The following FANCA variants were observed in gnomAD, a reference collection of about 807,000 sequenced individuals.
The protein encoded by FANCA is FA complementation group A.
Under a neutral mutation model 194.3 loss-of-function variants are expected in FANCA, and 236 were observed. That is an observed-to-expected ratio of 1.21 (90% CI 1.09 to 1.35). The LOEUF (loss-of-function observed/expected upper bound fraction) is 1.35. Among genes scored for constraint, FANCA ranks in the 40% most tolerant of loss-of-function variants. The pLI, the probability that FANCA is intolerant of heterozygous loss-of-function variation, is 0.00. For synonymous variants in FANCA, 1,014 were observed against 715.8 expected, an observed-to-expected ratio of 1.42 and a Z score of -6.65; for missense variants, 2,628 against 1,813.9, an observed-to-expected ratio of 1.45 and a Z score of -8.15.
At chr16:89,743,595 A>T (rs1185510784) in intron 36 of FANCA, among the ~76,000 whole-genome samples, 1 of 152,162 alleles carries the variant, frequency 6.6e-6, no homozygotes, top group Non-Finnish European at 1.5e-5. Context: ...AGGCTGAGGC[A>T]GGCAGATCAC....
At chr16:89,804,217 G>C (rs796211785) in intron 7 of FANCA, among the ~76,000 whole-genome samples, 7 of 152,224 alleles carry the variant, frequency 4.6e-5, no homozygotes, top group African/African-American at 1.7e-4. Context: ...AAACCCACAA[G>C]CTACTGTACA....
chr16:89,761,485 T>C (rs1437698336), intron 29 of FANCA, among the ~76,000 whole-genome samples: 1 of 150,678 alleles, frequency 6.6e-6, no homozygotes, highest in East Asian at 1.9e-4. Flanking sequence ...TCGCTTTTGC[T>C]TTAATAAATC....
chr16:89,767,887 T>C (rs1312830183), intron 26 of FANCA, among the ~76,000 whole-genome samples: 1 of 152,136 alleles, frequency 6.6e-6, no homozygotes, highest in Non-Finnish European at 1.5e-5. Context: ...GGTTTCCCCA[T>C]GTTGGACAGG....
chr16:89,797,864 C>T (rs2040301253), intron 10 of FANCA, among the ~76,000 whole-genome samples: 1 of 152,050 alleles, frequency 6.6e-6, no homozygotes, highest in Non-Finnish European at 1.5e-5. Flanking sequence ...CACTGCACTC[C>T]AGCCTGGGCA....
intron 8 of FANCA, among the ~76,000 whole-genome samples, chr16:89,800,964 C>T (rs1408356875): frequency 2.7e-5 from 4 of 147,774 alleles, no homozygotes; most frequent in East Asian, 4.0e-4. Context: ...ACCCGGTAGG[C>T]GGAGCTTGCA....
intron 5 of FANCA, chr16:89,810,496 T>G (rs2040834582): frequency 1.8e-6 from 1 of 570,790 alleles, no homozygotes; most frequent in African/African-American, 1.9e-5. Context: ...TAAATATTAC[T>G]AATGATAGGT....
At chr16:89,799,773 C>G in intron 8 of FANCA, 135 bp from the exon 9 acceptor site, 2 of 737,180 alleles carry the variant, frequency 2.7e-6, no homozygotes, top group African/African-American at 3.5e-5. Context: ...GCGGGCGGAT[C>G]ACGAGGTCAG....
rs2151715075 is a variant in FANCA at position 89,740,153 on chromosome 16, G to A, written c.3829-54C>T. ...AATGGCCGACCTGGTGCTCCCATGG[G>A]TAGGAGGGTACAGCCCTCAGCACAG... is the stretch of plus-strand genomic sequence containing the variant. On this transcript the variant is annotated intron_variant, in intron 38 of 42. Coordinates refer to ENST00000389301, the MANE Select transcript of FANCA (RefSeq NM_000135.4). The A allele has an allele frequency of 2.1e-6, 3 of 1,401,360 alleles. No individual in the cohort carries two copies. In the Middle Eastern group the frequency reaches 6.2e-4, roughly 291 times the overall value. 86.8% of individuals were successfully genotyped at this position (1,401,360 alleles called of 1,614,324 possible). A position where few individuals can be genotyped will look rare whatever the true frequency, so the allele number is the denominator to read the frequency against.
intron 20 of FANCA, chr16:89,778,291 C>T (rs1225508117): frequency 1.9e-5 from 5 of 267,642 alleles, no homozygotes; most frequent in Non-Finnish European, 2.9e-5. Flanking sequence ...TATGGCAAAA[C>T]CCTGTCTGTA....
intron 11 of FANCA, among the ~76,000 whole-genome samples, chr16:89,794,970 G>A (rs2040194265): frequency 6.6e-6 from 1 of 152,156 alleles, no homozygotes; most frequent in Admixed American, 6.5e-5. Context: ...GAATGTGCAT[G>A]CTCAAACACC....
intron 10 of FANCA, chr16:89,798,948 C>T: frequency 6.2e-7 from 1 of 1,610,786 alleles, no homozygotes; most frequent in Non-Finnish European, 8.5e-7. Context: ...GCAGTGGGCG[C>T]ACCTTCCGAC....
Position 89,769,859 on chromosome 16 carries a change from C to T in FANCA, c.2482G>A (p.Asp828Asn), listed in dbSNP as rs566547053. 2 of 1,614,096 alleles carry T rather than the reference C, an allele frequency of 1.2e-6. No homozygotes were observed. Among genetic ancestry groups the T allele is most frequent in the South Asian group, 2.2e-5 (2 of 91,084 alleles). The change falls in exon 26 of 43, where the codon GAT becomes AAT. Residue 828 changes from aspartate to asparagine, a missense_variant. Coordinates refer to ENST00000389301, the MANE Select transcript of FANCA (RefSeq NM_000135.4). The part of the protein sequence containing the change: ...FDSLLTCRTR[D>N]SLFFCLKFCT... ...CACTTCAGGCAGAAGAACAAGGAAT[C>T]CCTCGTCCTACAGGTCAGGAGGCTG... is the stretch of plus-strand genomic sequence containing the variant.
chr16:89,800,293 G>A (rs754664913), intron 8 of FANCA, among the ~76,000 whole-genome samples: 5 of 152,234 alleles, frequency 3.3e-5, no homozygotes, highest in Non-Finnish European at 5.9e-5. Flanking sequence ...AAGACGGTGA[G>A]AAGGTACCAT....
intron 6 of FANCA, among the ~76,000 whole-genome samples, chr16:89,806,456 G>A (rs993395380): frequency 2.7e-5 from 4 of 147,588 alleles, no homozygotes; most frequent in African/African-American, 7.5e-5. Context: ...ATAAACAAGT[G>A]AACAAAGGTC....
chr16:89,764,262 G>A (rs182840369), intron 28 of FANCA, among the ~76,000 whole-genome samples: 14 of 152,166 alleles, frequency 9.2e-5, no homozygotes, highest in Non-Finnish European at 1.3e-4. Flanking sequence ...AAAGAAGTTC[G>A]TGTTGGGAGA....
At chr16:89,745,108 T>G in intron 35 of FANCA, 37 bp from the exon 36 acceptor site, 1 of 1,534,764 alleles carries the variant, frequency 6.5e-7, no homozygotes, top group South Asian at 1.2e-5. Flanking sequence ...TGAGGGTGGC[T>G]GAGATGGACA....
rs779094661 is a variant in FANCA, at chr16:89,737,976, G to C, written c.*625C>G. ...CTTCTTATCTGCCTCTGTCCCCCAG[G>C]TGTGAGGTCTGTGGGTTCCAGTGCA... On this transcript the variant is annotated 3_prime_UTR_variant, in exon 43 of 43. Coordinates refer to ENST00000389301, the MANE Select transcript of FANCA (RefSeq NM_000135.4). 1.2e-6 allele frequency: 2 copies of C among 1,614,156 alleles called. No individual in the cohort carries two copies. The highest frequency in any genetic ancestry group is 3.3e-5 in the Admixed American group (2 of 60,026).
intron 17 of FANCA, among the ~76,000 whole-genome samples, chr16:89,781,420 T>C (rs1388210575): frequency 7.4e-6 from 1 of 135,698 alleles, no homozygotes; most frequent in East Asian, 2.2e-4. Flanking sequence ...ATGCCTGTAA[T>C]CCCAGGACTT....
In FANCA at chr16:89,738,377, G is replaced by A. The variant is rs1435611566; in HGVS notation, c.*224C>T. The A allele has an allele frequency of 7.0e-7, 1 of 1,427,316 alleles. No homozygotes were observed. Among genetic ancestry groups the A allele is most frequent in the African/African-American group, 1.4e-5 (1 of 70,560 alleles). The allele number at this position is 1,427,316 out of a possible 1,614,324, so 88.4% of individuals were successfully genotyped here. A position where few individuals can be genotyped will look rare whatever the true frequency, so the allele number is the denominator to read the frequency against. ...GCCCTTGGTGCTGGAGGCGGGCTTG[G>A]TGTCCGGCTCAAGTAGCCTTCCTCT... On this transcript the variant is annotated 3_prime_UTR_variant, in exon 43 of 43. Transcript: ENST00000389301.
Sources: allele counts gnomAD v4.1 joint callset (sites outside exome capture counted in the v4.1 genomes callset), GRCh38; gene constraint gnomAD v4.1.1; transcripts MANE v1.5; gene names NCBI Gene and HGNC (gene_info 2026-07-23, HGNC 2026-07-21).